The following EYS variants were observed in gnomAD, a reference collection of about 807,000 sequenced individuals.
EYS encodes EGF-like photoreceptor maintenance factor.
In EYS, 250 loss-of-function variants were observed where a neutral mutation model predicts 282.1. The observed-to-expected ratio is 0.89, with a 90% confidence interval of 0.80 to 0.98. EYS has a LOEUF of 0.98. EYS is among the 50% of genes least tolerant of loss of function. The probability of loss-of-function intolerance (pLI) is 0.00; values close to 1 mark genes in which losing one functional copy is unlikely to be tolerated. For synonymous variants in EYS, 1,355 were observed against 1,282.9 expected, an observed-to-expected ratio of 1.06 and a Z score of -1.20; for missense variants, 4,016 against 3,709.0, an observed-to-expected ratio of 1.08 and a Z score of -2.15.
At chr6:64,122,487 A>T (rs1331859676) in intron 31 of EYS, among the ~76,000 whole-genome samples, 3 of 152,134 alleles carry the variant, frequency 2.0e-5, no homozygotes, top group African/African-American at 7.2e-5. Context: ...TATGGTATTA[A>T]GAAAGAGTAC....
chr6:64,415,761 T>A (rs1400136818), intron 28 of EYS, among the ~76,000 whole-genome samples: 4 of 152,210 alleles, frequency 2.6e-5, no homozygotes, highest in African/African-American at 9.6e-5. Context: ...TCATAAGGCA[T>A]AAAGCTAGAT....
intron 5 of EYS, among the ~76,000 whole-genome samples, chr6:65,481,695 C>T (rs1765611938): frequency 6.6e-6 from 1 of 152,056 alleles, no homozygotes; most frequent in Admixed American, 6.6e-5. Flanking sequence ...ACTACAGGTG[C>T]CCGCCACCAC....
At chr6:64,816,245 C>G (rs370725739) in intron 21 of EYS, among the ~76,000 whole-genome samples, 1 of 152,052 alleles carries the variant, frequency 6.6e-6, no homozygotes, top group African/African-American at 2.4e-5. Context: ...CACAGAATTC[C>G]GTGAACTTTG....
At chr6:63,759,833 A>G (rs1051988540) in intron 41 of EYS, among the ~76,000 whole-genome samples, 1 of 152,070 alleles carries the variant, frequency 6.6e-6, no homozygotes, top group African/African-American at 2.4e-5. Flanking sequence ...CTCTATTATT[A>G]GGAAAACCAA....
chr6:65,395,857 A>C (rs1766261080), intron 7 of EYS, among the ~76,000 whole-genome samples: 1 of 151,288 alleles, frequency 6.6e-6, no homozygotes, highest in Non-Finnish European at 1.5e-5. Context: ...AACACCCCCC[A>C]TTTCTCTCAA....
intron 5 of EYS, among the ~76,000 whole-genome samples, chr6:65,469,801 G>A (rs1222350804): frequency 1.3e-5 from 2 of 151,880 alleles, no homozygotes; most frequent in African/African-American, 4.8e-5. Context: ...CTATACATAG[G>A]CATCTATTCT....
chr6:63,746,693 A>G (rs1409410032), intron 41 of EYS, among the ~76,000 whole-genome samples: 2 of 151,710 alleles, frequency 1.3e-5, no homozygotes, highest in East Asian at 1.9e-4. Flanking sequence ...TTTCTTCTAC[A>G]TTTTTCCAGT....
chr6:65,165,733 A>G (rs2150224270), intron 12 of EYS, among the ~76,000 whole-genome samples: 1 of 151,146 alleles, frequency 6.6e-6, no homozygotes, highest in Non-Finnish European at 1.5e-5. Flanking sequence ...TTCCAGGGAT[A>G]TTAGGGAAAA....
rs555217428 is a variant in EYS, at chr6:65,006,806, T to C, written c.2138-9103A>G. Among the ~76,000 whole-genome samples the C allele has an allele frequency of 3.3e-5, 5 of 152,318 alleles. No individual in the cohort carries two copies. The South Asian group carries it at 8.3e-4, about 25-fold the overall frequency. On this transcript the variant is annotated intron_variant, in intron 13 of 42. Coordinates refer to ENST00000503581, the MANE Select transcript of EYS (RefSeq NM_001142800.2). ...TGGAAGCAGAGTTAGAAAAATTGCC[T>C]AATAATTGGTCTCCTCAAAGGTGCA...
chr6:64,253,294 A>T lies in EYS; in HGVS notation c.6192-22470T>A, dbSNP rs924151352. On this transcript the variant is annotated intron_variant, in intron 30 of 42. Coordinates refer to ENST00000503581, the MANE Select transcript of EYS (RefSeq NM_001142800.2). Reference sequence around the variant, plus strand: ...ATTTCTTTACTCTTCTAAGCCTTTAATTGCACACATCAGAAACTCTTGAGA... The same window carrying T: ...ATTTCTTTACTCTTCTAAGCCTTTATTTGCACACATCAGAAACTCTTGAGA... 2.6e-5 allele frequency among the ~76,000 whole-genome samples: 4 copies of T among 152,122 alleles called. No homozygotes were observed. In the South Asian group the frequency reaches 8.3e-4, roughly 31 times the overall value.
In EYS at chr6:64,092,323, C is replaced by T. The variant is rs115005110; in HGVS notation, c.6425-10321G>A. Among the ~76,000 whole-genome samples the T allele has an allele frequency of 4.6e-3, 698 of 152,284 alleles. 5 individuals carry two copies. The highest frequency in any genetic ancestry group is 0.016 in the African/African-American group (667 of 41,554). ...CTAGTTGTAGATCCCTGAGGAATCG[C>T]CACACTGATACCTACAATGGTTGAA... On this transcript the variant is annotated intron_variant, in intron 31 of 42. Transcript: ENST00000503581.
intron 15 of EYS, among the ~76,000 whole-genome samples, chr6:64,941,418 T>C (rs1769087363): frequency 6.6e-6 from 1 of 152,028 alleles, no homozygotes; most frequent in Admixed American, 6.6e-5. Flanking sequence ...GTTATTAAGC[T>C]TTTGGAATAA....
intron 35 of EYS, among the ~76,000 whole-genome samples, chr6:63,928,629 A>G (rs1420722047): frequency 6.6e-6 from 1 of 152,174 alleles, no homozygotes; most frequent in Non-Finnish European, 1.5e-5. Context: ...CTCACTTTAA[A>G]TGGTAAAGTT....
intron 13 of EYS, among the ~76,000 whole-genome samples, chr6:65,027,006 C>G (rs1239336494): frequency 7.0e-6 from 1 of 143,634 alleles, no homozygotes; most frequent in Non-Finnish European, 1.5e-5. Context: ...CTTCCTCTTG[C>G]CTATTTGTAA....
At chr6:64,049,404 A>T (rs938077876) in intron 33 of EYS, among the ~76,000 whole-genome samples, 13 of 152,202 alleles carry the variant, frequency 8.5e-5, no homozygotes, top group Non-Finnish European at 1.6e-4. Flanking sequence ...ATACTTTAGC[A>T]TGCTTATCAC....
intron 33 of EYS, among the ~76,000 whole-genome samples, chr6:64,060,251 A>G (rs3013155): frequency 0.11 from 17,075 of 152,148 alleles, 1,905 homozygotes; most frequent in African/African-American, 0.29. Context: ...AACATTTTTA[A>G]TTACTGTCAA....
At chr6:64,473,636 T>G (rs190459614) in intron 26 of EYS, among the ~76,000 whole-genome samples, 1 of 152,256 alleles carries the variant, frequency 6.6e-6, no homozygotes, top group East Asian at 1.9e-4. Context: ...ATTTCCAAAT[T>G]AAAAATGTGT....
chr6:65,362,736 A>G (rs1051281895), intron 8 of EYS, among the ~76,000 whole-genome samples: 5 of 151,982 alleles, frequency 3.3e-5, no homozygotes, highest in Admixed American at 1.3e-4. Flanking sequence ...AAAAATTTCT[A>G]CATTAGTATT....
Position 64,591,316 on chromosome 6 carries a change from A to T in EYS, c.4551T>A (p.Ser1517Arg). The change falls in exon 26 of 43, where the codon AGT becomes AGA. Residue 1517 changes from serine (S) to arginine (R), a missense_variant. Physicochemically the swap from Ser to Arg is moderately radical, Grantham distance 110. Coordinates refer to ENST00000503581, the MANE Select transcript of EYS (RefSeq NM_001142800.2). ...ATTCACTGGGATTGAAGGCTTTTGT[A>T]CTGAACCGGTGCAGAGCTGATGAGT... ...ILNSSALHRF[S>R]TKAFNPSEYQ... The T allele has an allele frequency of 6.4e-7, 1 of 1,551,368 alleles. No individual in the cohort carries two copies. The highest frequency in any genetic ancestry group is 8.7e-7 in the Non-Finnish European group (1 of 1,146,788).
Sources: gnomAD v4.1 joint callset for allele counts (sites outside exome capture counted in the v4.1 genomes callset) on GRCh38, gnomAD v4.1.1 for gene constraint, MANE v1.5 for transcripts, NCBI Gene and HGNC (gene_info 2026-07-23, HGNC 2026-07-21) for gene names.